The following CNTN5 variants were observed in gnomAD, a reference collection of about 807,000 sequenced individuals.
CNTN5 encodes contactin 5, also known as contactin-5.
In CNTN5, 77 loss-of-function variants were observed where a neutral mutation model predicts 129.1. The ratio of observed to expected loss-of-function variants is 0.60; its 90% CI spans 0.50 to 0.72. The LOEUF is 0.72. CNTN5 is among the 30% of genes least tolerant of loss of function. The probability of loss-of-function intolerance (pLI) is 0.00; values close to 1 mark genes in which losing one functional copy is unlikely to be tolerated. For synonymous variants in CNTN5, 509 were observed against 465.6 expected, an observed-to-expected ratio of 1.09 and a Z score of -1.20; for missense variants, 1,478 against 1,328.8, an observed-to-expected ratio of 1.11 and a Z score of -1.75.
At chr11:99,972,911 G>T (rs1937671467) in intron 8 of CNTN5, among the ~76,000 whole-genome samples, 1 of 151,728 alleles carries the variant, frequency 6.6e-6, no homozygotes, top group African/African-American at 2.4e-5. Context: ...TATTTTAATT[G>T]TGTGTACAGT....
At chr11:99,094,986 T>A (rs1450739359) in intron 1 of CNTN5, among the ~76,000 whole-genome samples, 1 of 151,872 alleles carries the variant, frequency 6.6e-6, no homozygotes, top group East Asian at 1.9e-4. Flanking sequence ...GGTTTCTATC[T>A]TTTTTTAAAA....
In CNTN5 at chr11:100,299,208, T is replaced by C. The variant is rs200733891; in HGVS notation, c.2432T>C (p.Val811Ala). 14 of 1,609,800 alleles carry C rather than the reference T, an allele frequency of 8.7e-6. No individual in the cohort carries two copies. The highest frequency in any genetic ancestry group is 1.1e-5 in the Non-Finnish European group (13 of 1,177,324). Residue 811 changes from valine (V) to alanine (A), a missense_variant, in exon 20 of 25, where the codon GTG becomes GCG. Physicochemically the swap from Val to Ala is moderately conservative, Grantham distance 64. Coordinates refer to ENST00000524871, the MANE Select transcript of CNTN5 (RefSeq NM_014361.4). ...FQNGEGFGYI[V>A]AFRPNGTRGW... Reference sequence around the variant, plus strand: ...AATGGGGAAGGCTTCGGCTATATTGTGGCTTTCAGACCCAATGGAACACGT... The same window carrying C: ...AATGGGGAAGGCTTCGGCTATATTGCGGCTTTCAGACCCAATGGAACACGT...
chr11:100,271,266 G>T, intron 18 of CNTN5, 25 bp downstream of exon 18: 2 of 1,567,664 alleles, frequency 1.3e-6, no homozygotes, highest in Non-Finnish European at 1.7e-6. Flanking sequence ...GAGTCAGATT[G>T]GATTTGGTAT....
At chr11:99,858,073 G>T (rs7118005) in intron 6 of CNTN5, among the ~76,000 whole-genome samples, 152,268 of 152,270 alleles carry the variant, frequency 1, 76,133 homozygotes, top group Middle Eastern at 1. Context: ...TTTCAGTCAG[G>T]TTTTTAAAGA....
intron 1 of CNTN5, among the ~76,000 whole-genome samples, chr11:99,313,865 C>T (rs868534545): frequency 2.5e-4 from 38 of 151,946 alleles, no homozygotes; most frequent in South Asian, 6.2e-4. Context: ...TTGCTTCATC[C>T]TTAGTCGTAT....
chr11:100,188,536 G>T (rs1230281819), intron 13 of CNTN5, among the ~76,000 whole-genome samples: 2 of 152,092 alleles, frequency 1.3e-5, no homozygotes, highest in Non-Finnish European at 2.9e-5. Context: ...AAGCCATAAT[G>T]AGACACCATC....
intron 24 of CNTN5, among the ~76,000 whole-genome samples, chr11:100,351,887 G>C (rs959184667): frequency 6.6e-6 from 1 of 151,412 alleles, no homozygotes; most frequent in African/African-American, 2.4e-5. Context: ...CTTGAAGTCA[G>C]ACCAGAGGCA....
intron 7 of CNTN5, among the ~76,000 whole-genome samples, chr11:99,951,971 A>C (rs190878203): frequency 4.8e-4 from 73 of 152,306 alleles, no homozygotes; most frequent in African/African-American, 1.7e-3. Context: ...GAGCAACTAC[A>C]CACCAAGTAT....
intron 1 of CNTN5, among the ~76,000 whole-genome samples, chr11:99,044,757 C>T (rs926355915): frequency 1.3e-4 from 20 of 152,072 alleles, no homozygotes; most frequent in African/African-American, 2.9e-4. Flanking sequence ...TGTAAAGTGT[C>T]GGGTCCTCTA....
intron 18 of CNTN5, among the ~76,000 whole-genome samples, chr11:100,290,452 G>A (rs1359493457): frequency 0.012 from 1,679 of 145,486 alleles, 24 homozygotes; most frequent in African/African-American, 0.03. Flanking sequence ...AAATAATGCC[G>A]CATATCTACA....
chr11:100,312,665 A>T (rs1414017552), intron 21 of CNTN5, among the ~76,000 whole-genome samples: 5 of 152,166 alleles, frequency 3.3e-5, no homozygotes, highest in Non-Finnish European at 7.4e-5. Flanking sequence ...CAAAACCAAA[A>T]TGATCAATTT....
At chr11:99,792,964 T>C (rs957366976) in intron 3 of CNTN5, among the ~76,000 whole-genome samples, 4 of 152,182 alleles carry the variant, frequency 2.6e-5, no homozygotes, top group African/African-American at 9.6e-5. Context: ...GTGAAGTCAG[T>C]GGTAACATCC....
intron 3 of CNTN5, among the ~76,000 whole-genome samples, chr11:99,661,783 T>A (rs1176323866): frequency 6.6e-6 from 1 of 152,100 alleles, no homozygotes; most frequent in Non-Finnish European, 1.5e-5. Context: ...TTAGTTGAGA[T>A]TGGAACACAT....
chr11:99,908,528 T>G (rs751929472), intron 6 of CNTN5, among the ~76,000 whole-genome samples: 2 of 152,046 alleles, frequency 1.3e-5, no homozygotes, highest in African/African-American at 4.8e-5. Context: ...AAAAATGAAC[T>G]TAGAAGTAAA....
At chr11:99,358,835 C>T (rs1008924053) in intron 2 of CNTN5, among the ~76,000 whole-genome samples, 1 of 151,926 alleles carries the variant, frequency 6.6e-6, no homozygotes, top group Non-Finnish European at 1.5e-5. Flanking sequence ...TAGATTACAC[C>T]TAGGAAACTC....
chr11:100,288,608 A>G (rs1414653140), intron 18 of CNTN5, among the ~76,000 whole-genome samples: 6 of 152,138 alleles, frequency 3.9e-5, no homozygotes. Context: ...CATTCAAAGC[A>G]GTGTGTACAG....
At chr11:99,341,485 T>C (rs983154554) in intron 2 of CNTN5, among the ~76,000 whole-genome samples, 10 of 152,128 alleles carry the variant, frequency 6.6e-5, no homozygotes, top group Non-Finnish European at 1.3e-4. Flanking sequence ...CGAGTTTGAA[T>C]CCCAATTCTA....
chr11:99,166,476 C>T (rs1860876385), intron 1 of CNTN5, among the ~76,000 whole-genome samples: 1 of 151,340 alleles, frequency 6.6e-6, no homozygotes, highest in South Asian at 2.1e-4. Context: ...GGTAATTTTC[C>T]TTAAGCCTCT....
intron 13 of CNTN5, among the ~76,000 whole-genome samples, chr11:100,149,111 A>G (rs749871659): frequency 2.4e-4 from 36 of 152,204 alleles, no homozygotes; most frequent in Non-Finnish European, 4.7e-4. Flanking sequence ...TGACAATTTG[A>G]CATGTGAAGC....
Sources: allele counts gnomAD v4.1 joint callset (sites outside exome capture counted in the v4.1 genomes callset), GRCh38; gene constraint gnomAD v4.1.1; transcripts MANE v1.5; gene names NCBI Gene and HGNC (gene_info 2026-07-23, HGNC 2026-07-21).